Variants in RHCE observed in about 807,000 individuals in gnomAD.
RHCE encodes blood group Rh(CE) polypeptide.
RHCE carries 22 observed loss-of-function variants against 43.8 expected under a neutral mutation model. The ratio of observed to expected loss-of-function variants is 0.50; its 90% CI spans 0.36 to 0.72. The LOEUF is 0.72. RHCE is among the 30% of genes least tolerant of loss of function. The pLI is 0.00. For missense variants in RHCE, 385 were observed against 525.4 expected, an observed-to-expected ratio of 0.73 and a Z score of 2.61; for synonymous variants, 156 against 210.7, an observed-to-expected ratio of 0.74 and a Z score of 2.25.
intron 7 of RHCE, among the ~76,000 whole-genome samples, chr1:25,376,775 G>A (rs749224396): frequency 7.2e-5 from 11 of 152,064 alleles, no homozygotes; most frequent in Non-Finnish European, 1.6e-4. Flanking sequence ...TTAGCCGGGA[G>A]TGGTGGCAGG....
At chr1:25,375,809 T>G (rs1557601458) in intron 7 of RHCE, among the ~76,000 whole-genome samples, 1 of 130,660 alleles carries the variant, frequency 7.7e-6, no homozygotes, top group African/African-American at 3.6e-5. Flanking sequence ...TTTTTTTTTT[T>G]CTGTTTTTGT....
chr1:25,402,558 T>G, intron 3 of RHCE, 38 bp downstream of exon 3: 2 of 1,613,874 alleles, frequency 1.2e-6, no homozygotes, highest in Non-Finnish European at 1.7e-6. Flanking sequence ...CTTTTGGCCC[T>G]TTTCTCCCAG....
chr1:25,385,502 TG>T (rs1315794900), intron 7 of RHCE: 2 of 735,544 alleles, frequency 2.7e-6, no homozygotes, highest in African/African-American at 3.5e-5. Context: ...TGGTCCTATT[TG>T]GAAAGAAGAG....
In RHCE at chr1:25,362,486, C is replaced by G; in HGVS notation, c.*41G>C. On this transcript the variant is annotated 3_prime_UTR_variant, in exon 10 of 10. Coordinates refer to ENST00000294413, the MANE Select transcript of RHCE (RefSeq NM_020485.8). Reference sequence around the variant, plus strand: ...GCAGGCAACAGTGAGAGGAAGTTGTCTTGTTTTTGAACAGGCCTTGTTTTT... The same window carrying G: ...GCAGGCAACAGTGAGAGGAAGTTGTGTTGTTTTTGAACAGGCCTTGTTTTT... The G allele has an allele frequency of 6.3e-7, 1 of 1,581,706 alleles. No homozygotes were observed. Among genetic ancestry groups the G allele is most frequent in the Non-Finnish European group, 8.6e-7 (1 of 1,162,798 alleles).
intron 7 of RHCE, among the ~76,000 whole-genome samples, chr1:25,382,184 CT>C (rs912567969): frequency 6.7e-6 from 1 of 148,738 alleles, no homozygotes; most frequent in African/African-American, 2.6e-5. Flanking sequence ...CCCAAAGGCC[CT>C]TCCTCCAAAT....
intron 2 of RHCE, among the ~76,000 whole-genome samples, chr1:25,428,499 A>T (rs2042821550): frequency 2.0e-5 from 3 of 152,190 alleles, no homozygotes; most frequent in African/African-American, 4.8e-5. Flanking sequence ...GAGCTCACAG[A>T]GTTTGTTTTC....
intron 8 of RHCE, among the ~76,000 whole-genome samples, chr1:25,370,903 C>G (rs1446817877): frequency 1.3e-5 from 2 of 149,046 alleles, no homozygotes; most frequent in African/African-American, 5.0e-5. Context: ...CGCCTGCCAC[C>G]ACATCCAGCT....
intron 3 of RHCE, among the ~76,000 whole-genome samples, chr1:25,401,098 C>A (rs934602232): frequency 6.6e-6 from 1 of 152,144 alleles, no homozygotes; most frequent in African/African-American, 2.4e-5. Context: ...CTCCTCTGCC[C>A]AACACTCCCT....
upstream of RHCE, chr1:25,420,879 G>A (rs1177704578): frequency 1.3e-6 from 2 of 1,553,968 alleles, no homozygotes; most frequent in Non-Finnish European, 1.7e-6. Flanking sequence ...CGATAGGGGA[G>A]ACACCCGCCA....
upstream of RHCE, among the ~76,000 whole-genome samples, chr1:25,421,769 G>A (rs2375312): frequency 3.3e-5 from 5 of 152,330 alleles, no homozygotes; most frequent in African/African-American, 4.8e-5. Context: ...AGGGATGTAG[G>A]GAGGGAGGAA....
intron 6 of RHCE, among the ~76,000 whole-genome samples, chr1:25,388,085 C>T (rs1646240626): frequency 6.6e-6 from 1 of 151,246 alleles, no homozygotes; most frequent in Non-Finnish European, 1.5e-5. Context: ...TCCCAAAGCG[C>T]GTGAGCCACT....
chr1:25,389,219 C>T, intron 5 of RHCE, 106 bp from the exon 6 acceptor site: 1 of 1,483,092 alleles, frequency 6.7e-7, no homozygotes, highest in East Asian at 2.3e-5. Flanking sequence ...TAACATCCTC[C>T]CTGCTTTGCT....
Position 25,383,901 on chromosome 1 carries a change from A to G in RHCE, c.1073+1810T>C, listed in dbSNP as rs539743413. ...TACCATAGAAATTGCAAGTGCTACC[A>G]ATCAAGGCTTTATTTTCATGGAAAG... On this transcript the variant is annotated intron_variant, in intron 7 of 9. Coordinates refer to ENST00000294413, the MANE Select transcript of RHCE (RefSeq NM_020485.8). 4.0e-3 allele frequency among the ~76,000 whole-genome samples: 609 copies of G among 152,330 alleles called. 2 individuals carry two copies. The highest frequency in any genetic ancestry group is 0.013 in the African/African-American group (550 of 41,582).
intron 3 of RHCE, 47 bp from the exon 4 acceptor site, chr1:25,392,188 C>T (rs758794355): frequency 6.2e-7 from 1 of 1,613,690 alleles, no homozygotes; most frequent in East Asian, 2.2e-5. Flanking sequence ...ATCCTCTGCC[C>T]AGGGGAAAGC....
At chr1:25,382,995 A>G (rs2124382657) in intron 7 of RHCE, among the ~76,000 whole-genome samples, 1 of 152,314 alleles carries the variant, frequency 6.6e-6, no homozygotes, top group East Asian at 1.9e-4. Context: ...ATGAAAACAA[A>G]ATGTTGCTAA....
intron 3 of RHCE, among the ~76,000 whole-genome samples, chr1:25,397,225 G>A (rs1335079491): frequency 3.3e-5 from 5 of 149,638 alleles, no homozygotes; most frequent in African/African-American, 7.4e-5. Context: ...GGCTGGGCGC[G>A]GTGGCTCACA....
upstream of RHCE, among the ~76,000 whole-genome samples, chr1:25,423,257 T>C (rs1168583445): frequency 6.6e-6 from 1 of 152,186 alleles, no homozygotes; most frequent in Non-Finnish European, 1.5e-5. Flanking sequence ...GGAACTCCCC[T>C]GCACAGTGGG....
At chr1:25,402,574 T>A (rs373317283) in intron 3 of RHCE, 22 bp downstream of exon 3, 5 of 1,613,732 alleles carry the variant, frequency 3.1e-6, no homozygotes, top group Non-Finnish European at 3.4e-6. Context: ...CCCAGGTCCC[T>A]CCTCCCAGCA....
chr1:25,385,444 G>C, intron 7 of RHCE: 2 of 534,806 alleles, frequency 3.7e-6, no homozygotes, highest in South Asian at 3.5e-5. Flanking sequence ...GACCTGCTCT[G>C]TGTTTGTGGG....
Sources: gnomAD v4.1 joint callset for allele counts (sites outside exome capture counted in the v4.1 genomes callset) on GRCh38, gnomAD v4.1.1 for gene constraint, MANE v1.5 for transcripts, NCBI Gene and HGNC (gene_info 2026-07-23, HGNC 2026-07-21) for gene names.